The following LHFPL3 variants were observed in gnomAD, a reference collection of about 807,000 sequenced individuals.
The protein encoded by LHFPL3 is LHFPL tetraspan subfamily member 3 protein.
LHFPL3 carries 5 observed loss-of-function variants against 19.3 expected under a neutral mutation model. That is an observed-to-expected ratio of 0.26 (90% CI 0.14 to 0.54). LHFPL3 has a LOEUF of 0.54. LHFPL3 is among the 20% of genes least tolerant of loss of function. LHFPL3 has a pLI of 0.94. For missense variants in LHFPL3, 249 were observed against 307.4 expected, an observed-to-expected ratio of 0.81 and a Z score of 1.42; for synonymous variants, 133 against 126.2, an observed-to-expected ratio of 1.05 and a Z score of -0.36.
intron 2 of LHFPL3, among the ~76,000 whole-genome samples, chr7:104,739,588 A>T (rs1254529954): frequency 6.6e-6 from 1 of 152,036 alleles, no homozygotes; most frequent in East Asian, 1.9e-4. Flanking sequence ...GACTTTTTTC[A>T]CTATTTTTTT....
intron 1 of LHFPL3, among the ~76,000 whole-genome samples, chr7:104,431,231 A>G (rs984333845): frequency 2.6e-5 from 4 of 152,158 alleles, no homozygotes; most frequent in Non-Finnish European, 5.9e-5. Flanking sequence ...ATTGATCATC[A>G]TAACAGTCAA....
At chr7:104,345,708 C>G (rs1283421522) in intron 1 of LHFPL3, among the ~76,000 whole-genome samples, 9 of 151,900 alleles carry the variant, frequency 5.9e-5, no homozygotes, top group Admixed American at 5.9e-4. Flanking sequence ...ATATTTAGTA[C>G]TTTATATTCA....
chr7:104,592,947 T>C (rs1790757781), intron 1 of LHFPL3, among the ~76,000 whole-genome samples: 1 of 152,148 alleles, frequency 6.6e-6, no homozygotes, highest in South Asian at 2.1e-4. Context: ...GCTAAGACCA[T>C]TGTAAAAGCA....
chr7:104,589,005 T>C (rs1332086417), intron 1 of LHFPL3, among the ~76,000 whole-genome samples: 1 of 152,212 alleles, frequency 6.6e-6, no homozygotes, highest in Non-Finnish European at 1.5e-5. Flanking sequence ...CTTAAGAAGA[T>C]TTTGGGCTGA....
intron 1 of LHFPL3, among the ~76,000 whole-genome samples, chr7:104,439,333 A>G (rs1792173224): frequency 6.6e-6 from 1 of 152,110 alleles, no homozygotes; most frequent in Non-Finnish European, 1.5e-5. Flanking sequence ...AAAACCAGGC[A>G]AGGATATTAC....
intron 1 of LHFPL3, among the ~76,000 whole-genome samples, chr7:104,648,024 C>T (rs1381515608): frequency 6.6e-6 from 1 of 152,198 alleles, no homozygotes; most frequent in East Asian, 1.9e-4. Context: ...TAATATCTGA[C>T]TTATGAGGAA....
chr7:104,696,920 A>G (rs1189146567), intron 1 of LHFPL3, among the ~76,000 whole-genome samples: 2 of 152,234 alleles, frequency 1.3e-5, no homozygotes, highest in Non-Finnish European at 2.9e-5. Flanking sequence ...GGTGGCTTAT[A>G]CACAACTGAA....
At chr7:104,566,005 A>G (rs1790117039) in intron 1 of LHFPL3, among the ~76,000 whole-genome samples, 1 of 152,056 alleles carries the variant, frequency 6.6e-6, no homozygotes, top group African/African-American at 2.4e-5. Flanking sequence ...AGAGCCAAAT[A>G]GAGGTAGGAA....
In LHFPL3 at chr7:104,385,667, T is replaced by TATTC. The variant is rs58386795; in HGVS notation, c.445+56457_445+56460dup. ...ATTCATTCACTTACTCATGGCAATT[T>TATTC]ATTCATTCATTCATTCAAGAAGTAT... is the stretch of plus-strand genomic sequence containing the variant. On this transcript the variant is annotated intron_variant, in intron 1 of 2. Coordinates refer to ENST00000424859, the MANE Select transcript of LHFPL3 (RefSeq NM_199000.3). Among the ~76,000 whole-genome samples the TATTC allele has an allele frequency of 4.0e-5, 6 of 151,526 alleles. No individual in the cohort carries two copies. The East Asian group carries it at 5.8e-4, about 15-fold the overall frequency.
intron 1 of LHFPL3, among the ~76,000 whole-genome samples, chr7:104,576,729 A>G (rs932572592): frequency 2.0e-5 from 3 of 152,156 alleles, no homozygotes; most frequent in African/African-American, 7.2e-5. Context: ...GCCTTCAGTC[A>G]TCAGTCTTAT....
intron 1 of LHFPL3, among the ~76,000 whole-genome samples, chr7:104,446,654 C>A (rs1233750237): frequency 6.6e-6 from 1 of 152,160 alleles, no homozygotes; most frequent in African/African-American, 2.4e-5. Flanking sequence ...TGGCTCACTG[C>A]AACCTCTACC....
intron 1 of LHFPL3, among the ~76,000 whole-genome samples, chr7:104,649,256 A>C (rs944952718): frequency 5.3e-5 from 8 of 152,250 alleles, no homozygotes; most frequent in African/African-American, 1.9e-4. Context: ...TGGAGGGTGC[A>C]TTTGGGAAAT....
intron 1 of LHFPL3, among the ~76,000 whole-genome samples, chr7:104,428,335 T>C (rs1791887665): frequency 6.6e-6 from 1 of 152,194 alleles, no homozygotes; most frequent in Non-Finnish European, 1.5e-5. Context: ...CAAGAATGCA[T>C]GCTATTGTCT....
rs545802836 is a variant in LHFPL3, at chr7:104,871,475, G to A, written c.683-34712G>A. ...GTTACTGTACACTACTATAGACTTC[G>A]TAAACACTATACATGCACTTAGGCT... On this transcript the variant is annotated intron_variant, in intron 2 of 2. Coordinates refer to ENST00000424859, the MANE Select transcript of LHFPL3 (RefSeq NM_199000.3). Among the ~76,000 whole-genome samples, 150 of 152,216 alleles carry A rather than the reference G, an allele frequency of 9.9e-4. 1 individual carries two copies. In the South Asian group the frequency reaches 0.03, roughly 31 times the overall value.
chr7:104,470,498 T>A lies in LHFPL3; in HGVS notation c.445+141274T>A, dbSNP rs148059588. ...TAAAGCAAGACCATGACCATCTCCA[T>A]GCTTTGTCCACGAACAGTACCAGCA... On this transcript the variant is annotated intron_variant, in intron 1 of 2. Coordinates refer to ENST00000424859, the MANE Select transcript of LHFPL3 (RefSeq NM_199000.3). Among the ~76,000 whole-genome samples the A allele has an allele frequency of 4.3e-3, 662 of 152,352 alleles. 5 individuals are homozygous for A. Among genetic ancestry groups the A allele is most frequent in the African/African-American group, 0.015 (634 of 41,576 alleles).
intron 1 of LHFPL3, among the ~76,000 whole-genome samples, chr7:104,598,166 TC>T (rs1562946183): frequency 1.3e-5 from 2 of 152,190 alleles, no homozygotes; most frequent in East Asian, 3.9e-4. Context: ...ACAAAATTAA[TC>T]CTGCTTGTGC....
chr7:104,904,858 T>C (rs544299360), intron 2 of LHFPL3, among the ~76,000 whole-genome samples: 1 of 152,150 alleles, frequency 6.6e-6, no homozygotes, highest in Admixed American at 6.6e-5. Context: ...AGGTTAATCA[T>C]ACTGTTTGAG....
chr7:104,570,254 G>T (rs1482438438), intron 1 of LHFPL3, among the ~76,000 whole-genome samples: 1 of 152,166 alleles, frequency 6.6e-6, no homozygotes, highest in South Asian at 2.1e-4. Context: ...CCTGGCACAT[G>T]CTCAGCAGTT....
chr7:104,736,635 T>C lies in LHFPL3; in HGVS notation c.446-40T>C, dbSNP rs371095137. On this transcript the variant is annotated intron_variant, in intron 1 of 2. Coordinates refer to ENST00000424859, the MANE Select transcript of LHFPL3 (RefSeq NM_199000.3). ...TGCTAAGTTAAAATTTATTGACTTATCTTTTTTGTTTCTTTTGTTTTTCTC... is the reference window on the plus strand; with the variant it reads ...TGCTAAGTTAAAATTTATTGACTTACCTTTTTTGTTTCTTTTGTTTTTCTC... The C allele has an allele frequency of 2.0e-5, 27 of 1,336,222 alleles. No individual in the cohort carries two copies. The African/African-American group carries it at 3.8e-4, about 19-fold the overall frequency. 82.8% of individuals were successfully genotyped at this position (1,336,222 alleles called of 1,614,324 possible). A position where few individuals can be genotyped will look rare whatever the true frequency, so the allele number is the denominator to read the frequency against.
Sources: allele counts gnomAD v4.1 joint callset (sites outside exome capture counted in the v4.1 genomes callset), GRCh38; gene constraint gnomAD v4.1.1; transcripts MANE v1.5; gene names NCBI Gene and HGNC (gene_info 2026-07-23, HGNC 2026-07-21).